DUT: variants seen among roughly 807,000 people sequenced by gnomAD.
The protein encoded by DUT is deoxyuridine triphosphatase.
In DUT, 21 loss-of-function variants were observed where a neutral mutation model predicts 28.8. The observed-to-expected ratio is 0.73, with a 90% CI of 0.52 to 1.05. The LOEUF is 1.05. Ranked by LOEUF, DUT falls within the 50% of genes least tolerant of loss-of-function variation. The pLI, the probability that DUT is intolerant of heterozygous loss-of-function variation, is 0.00. For synonymous variants in DUT, 147 were observed against 143.7 expected (o/e 1.02, Z -0.17); for missense variants, 344 against 351.8 (o/e 0.98, Z 0.18).
rs750213538 is a variant in DUT at position 48,332,418 on chromosome 15, C to T, written c.419+12C>T. 2 of 1,531,514 alleles carry T rather than the reference C, an allele frequency of 1.3e-6. No homozygotes were observed. Among genetic ancestry groups the T allele is most frequent in the Non-Finnish European group, 1.7e-6 (2 of 1,146,124 alleles). 94.9% of individuals were successfully genotyped at this position (1,531,514 alleles called of 1,614,324 possible). ...TACGACCTGTACAGGTGAGCGGGGA[C>T]CTGCCGGCGAGGAGGCTGGGAAGGG... On this transcript the variant is annotated intron_variant, in intron 2 of 6. Coordinates refer to ENST00000331200, the MANE Select transcript of DUT (RefSeq NM_001025248.2).
At chr15:48,335,927 G>A in intron 3 of DUT, 119 bp from the exon 4 acceptor site, 1 of 765,350 alleles carries the variant, frequency 1.3e-6, no homozygotes. Flanking sequence ...ATGTGCTAAA[G>A]TTAAGATGAA....
Position 48,333,024 on chromosome 15 carries a change from A to C in DUT, c.419+618A>C, listed in dbSNP as rs918871815. Among the ~76,000 whole-genome samples the C allele has an allele frequency of 2.0e-5, 3 of 151,666 alleles. No individual in the cohort carries two copies. In the South Asian group the frequency reaches 6.3e-4, roughly 32 times the overall value. On this transcript the variant is annotated intron_variant, in intron 2 of 6. Transcript: ENST00000331200. ...CAGGAGTTTGTGAAGAGCTGAATTG[A>C]TTTCCCCAGAGGCTTGAAGATGATA...
chr15:48,336,151 G>A, intron 4 of DUT, 61 bp downstream of exon 4: 3 of 1,359,376 alleles, frequency 2.2e-6, no homozygotes, highest in Non-Finnish European at 2.0e-6. Flanking sequence ...TCTTTAAAAG[G>A]TAATATTCAA....
chr15:48,331,176 G>C, upstream of DUT: 3 of 1,516,056 alleles, frequency 2.0e-6, no homozygotes, highest in African/African-American at 4.2e-5. Context: ...CATGGCTGCG[G>C]GCGGTGCCGC....
In DUT at chr15:48,331,719, C is replaced by T. The variant is rs1273818307; in HGVS notation, c.204C>T (p.Arg68=). 2 of 1,505,474 alleles carry T rather than the reference C, an allele frequency of 1.3e-6. No individual in the cohort carries two copies. The highest frequency in any genetic ancestry group is 2.5e-5 in the South Asian group (2 of 79,406). 93.3% of individuals were successfully genotyped at this position (1,505,474 alleles called of 1,614,324 possible). ...SSAGRLSQGC[R]GASTVGAAGW... Reference sequence around the variant, plus strand: ...CTGGCCGCCTGAGCCAAGGCTGCCGCGGAGCCAGTACAGTCGGGGCCGCTG... The same window carrying T: ...CTGGCCGCCTGAGCCAAGGCTGCCGTGGAGCCAGTACAGTCGGGGCCGCTG... The change falls in exon 1 of 7, where the codon CGC becomes CGT. Residue 68 remains arginine, a synonymous_variant. Coordinates refer to ENST00000331200, the MANE Select transcript of DUT (RefSeq NM_001025248.2).
intron 1 of DUT, 83 bp from the exon 2 acceptor site, chr15:48,332,185 G>A: frequency 1.3e-6 from 2 of 1,490,818 alleles, no homozygotes; most frequent in South Asian, 1.4e-5. Context: ...CGCGCTCCCT[G>A]CGGCGACGCT....
intron 2 of DUT, among the ~76,000 whole-genome samples, chr15:48,333,056 T>G (rs28381108): frequency 1.5e-3 from 222 of 152,108 alleles, no homozygotes; most frequent in African/African-American, 4.9e-3. Context: ...GATATAATTT[T>G]TTATCCCGAA....
intron 4 of DUT, among the ~76,000 whole-genome samples, chr15:48,337,242 CTG>C (rs1229700429): frequency 2.6e-5 from 4 of 152,162 alleles, no homozygotes; most frequent in East Asian, 1.9e-4. Flanking sequence ...TCCTTGGGCT[CTG>C]TAAGTTATGC....
Position 48,341,504 on chromosome 15 carries a change from T to TTTC in DUT, c.632-8_632-6dup. Reference sequence around the variant, plus strand: ...CAGTAACGTCAGTAATAAACTATTCTTTCTTTGAAGTCAAAAAAGGTGATC... The same window carrying TTTC: ...CAGTAACGTCAGTAATAAACTATTCTTTCTTCTTTGAAGTCAAAAAAGGTGATC... On this transcript the variant is annotated splice_polypyrimidine_tract_variant and intron_variant, in intron 5 of 6. Coordinates refer to ENST00000331200, the MANE Select transcript of DUT (RefSeq NM_001025248.2). The TTTC allele has an allele frequency of 1.2e-6, 2 of 1,612,598 alleles. No individual in the cohort carries two copies. Among genetic ancestry groups the TTTC allele is most frequent in the Non-Finnish European group, 1.7e-6 (2 of 1,179,120 alleles).
chr15:48,334,775 A>G (rs1412111213), intron 3 of DUT, among the ~76,000 whole-genome samples: 1 of 152,188 alleles, frequency 6.6e-6, no homozygotes, highest in Non-Finnish European at 1.5e-5. Flanking sequence ...GGCATTTTAT[A>G]TTATGAGAGT....
At chr15:48,337,927 T>A (rs1347256297) in intron 4 of DUT, among the ~76,000 whole-genome samples, 1 of 152,156 alleles carries the variant, frequency 6.6e-6, no homozygotes, top group Non-Finnish European at 1.5e-5. Context: ...TGTGGATAGT[T>A]TTTCACTAAA....
At position 48,342,007 on chromosome 15, in the gene DUT, C is replaced by T; in HGVS notation, c.703-15C>T. On this transcript the variant is annotated splice_polypyrimidine_tract_variant and intron_variant, in intron 6 of 6. Coordinates refer to ENST00000331200, the MANE Select transcript of DUT (RefSeq NM_001025248.2). ...TAAAAAAAACTGTGAAGCTTACTACCTTTCTATCTTTCAGGCCTTGGATGA... is the reference window on the plus strand; with the variant it reads ...TAAAAAAAACTGTGAAGCTTACTACTTTTCTATCTTTCAGGCCTTGGATGA... The T allele has an allele frequency of 6.4e-7, 1 of 1,563,742 alleles. No homozygotes were observed. The highest frequency in any genetic ancestry group is 8.6e-7 in the Non-Finnish European group (1 of 1,162,174).
At chr15:48,332,245 C>A (rs1460130222) in intron 1 of DUT, 23 bp from the exon 2 acceptor site, 1 of 1,583,178 alleles carries the variant, frequency 6.3e-7, no homozygotes, top group Admixed American at 1.8e-5. Flanking sequence ...CGCCTTCTGG[C>A]TCTGCCATGC....
Position 48,331,775 on chromosome 15 carries a change from G to C in DUT, c.260G>C (p.Gly87Ala). Reference protein sequence around the residue: ...GWKGELPKAGGSPAPGPETPA... With the variant: ...GWKGELPKAGASPAPGPETPA... The stretch of plus-strand genomic sequence containing the variant: ...AAGGGCGAGCTTCCTAAGGCGGGGG[G>C]AAGCCCGGCGCCGGGGCCGGGTAGG... Residue 87 changes from glycine to alanine, a missense_variant, in exon 1 of 7, where the codon GGA becomes GCA. Gly to Ala is a moderately conservative substitution (Grantham distance 60). Coordinates refer to ENST00000331200, the MANE Select transcript of DUT (RefSeq NM_001025248.2). The C allele has an allele frequency of 7.2e-7, 1 of 1,385,862 alleles. No individual in the cohort carries two copies. The highest frequency in any genetic ancestry group is 9.3e-7 in the Non-Finnish European group (1 of 1,075,306). The allele number at this position is 1,385,862 out of a possible 1,614,324, so 85.8% of individuals were successfully genotyped here.
In DUT at chr15:48,340,400, T is replaced by A. The variant is rs547546680; in HGVS notation, c.557-889T>A. ...GCCAACTCTGATACACTATGAACTG[T>A]GGAATTGTAACACTTCAAATGGATA... On this transcript the variant is annotated intron_variant, in intron 4 of 6. Transcript: ENST00000331200. Among the ~76,000 whole-genome samples, 7 of 152,312 alleles carry A rather than the reference T, an allele frequency of 4.6e-5. 1 individual carries two copies. The highest frequency in any genetic ancestry group is 1.3e-4 in the Admixed American group (2 of 15,284).
At chr15:48,331,367 G>A, upstream of DUT, 1 of 1,463,908 alleles carries the variant, frequency 6.8e-7, no homozygotes, top group Non-Finnish European at 9.0e-7. Context: ...TCCCTGGGCT[G>A]CCGGGGCACC....
chr15:48,336,918 C>T (rs1650123004), intron 4 of DUT, among the ~76,000 whole-genome samples: 1 of 152,154 alleles, frequency 6.6e-6, no homozygotes, highest in African/African-American at 2.4e-5. Context: ...TGTGTGATTC[C>T]AGCCTCCTTG....
intron 4 of DUT, among the ~76,000 whole-genome samples, chr15:48,339,368 A>G (rs1360743033): frequency 6.6e-6 from 1 of 152,162 alleles, no homozygotes; most frequent in Non-Finnish European, 1.5e-5. Context: ...TTCAGAAGTC[A>G]GTCCATGTCT....
At chr15:48,331,395 G>A, upstream of DUT, 1 of 1,496,418 alleles carries the variant, frequency 6.7e-7, no homozygotes, top group East Asian at 2.6e-5. Flanking sequence ...CACGCCCCTC[G>A]TCCGGCGGCG....
Sources: allele counts gnomAD v4.1 joint callset (sites outside exome capture counted in the v4.1 genomes callset), GRCh38; gene constraint gnomAD v4.1.1; transcripts MANE v1.5; gene names NCBI Gene and HGNC (gene_info 2026-07-23, HGNC 2026-07-21).